Variants in LINGO1 observed in about 807,000 individuals in gnomAD.
The protein encoded by LINGO1 is leucine-rich repeat and immunoglobulin-like domain-containing nogo receptor-interacting protein 1.
A neutral mutation model predicts 37.3 loss-of-function variants in LINGO1; 11 were observed. The observed-to-expected ratio is 0.29, with a 90% CI of 0.19 to 0.49. LINGO1 has a LOEUF of 0.49. LINGO1 is among the 20% of genes least tolerant of loss of function. The pLI, the probability that LINGO1 is intolerant of heterozygous loss-of-function variation, is 0.99. For synonymous variants in LINGO1, 387 were observed against 403.0 expected (o/e 0.96, Z 0.48); for missense variants, 585 against 878.2 (o/e 0.67, Z 4.22).
chr15:77,652,232 G>A (rs981933996), intron 3 of LINGO1: 2 of 152,176 alleles, frequency 1.3e-5, no homozygotes, highest in African/African-American at 2.4e-5. Flanking sequence ...CCTAGGGATC[G>A]AATAAGATGA....
At chr15:77,660,528 G>A (rs2074967715) in intron 3 of LINGO1, among the ~76,000 whole-genome samples, 2 of 152,212 alleles carry the variant, frequency 1.3e-5, no homozygotes, top group East Asian at 3.9e-4. Context: ...CAACAGCTGG[G>A]CTCTATTCTC....
chr15:77,779,845 A>T (rs1192727710), intron 1 of LINGO1, among the ~76,000 whole-genome samples: 1 of 152,172 alleles, frequency 6.6e-6, no homozygotes, highest in African/African-American at 2.4e-5. Context: ...TGCCTGGACT[A>T]GGAGGTGCTC....
At chr15:77,800,301 G>A (rs970122525) in intron 1 of LINGO1, among the ~76,000 whole-genome samples, 4 of 152,216 alleles carry the variant, frequency 2.6e-5, no homozygotes, top group African/African-American at 4.8e-5. Context: ...GCCACCTCAC[G>A]TCCCTAGTTA....
chr15:77,637,046 T>C (rs1002549564), upstream of LINGO1, among the ~76,000 whole-genome samples: 3 of 152,046 alleles, frequency 2.0e-5, no homozygotes, highest in Non-Finnish European at 2.9e-5. The surrounding 1 kb of genome is among the most constrained non-coding windows in gnomAD (Gnocchi z 4.6). Flanking sequence ...CAGAGCAGAC[T>C]TGGGGACACC....
At chr15:77,769,859 G>A (rs752585949) in intron 1 of LINGO1, among the ~76,000 whole-genome samples, 1 of 152,126 alleles carries the variant, frequency 6.6e-6, no homozygotes, top group Non-Finnish European at 1.5e-5. Flanking sequence ...TGTCCTACAC[G>A]TGCAGCAGAC....
At position 77,613,946 on chromosome 15, in the gene LINGO1, G is replaced by A; in HGVS notation, c.*98C>T. On this transcript the variant is annotated 3_prime_UTR_variant, in exon 2 of 2. Coordinates refer to ENST00000355300, the MANE Select transcript of LINGO1 (RefSeq NM_032808.7). ...GGGAGAAAGAGAACGTGTGTAGAAG[G>A]GTAGGGAGGAGGTGGGAAGGACTGG... The A allele has an allele frequency of 1.0e-6, 1 of 986,232 alleles. No homozygotes were observed. The highest frequency in any genetic ancestry group is 1.5e-6 in the Non-Finnish European group (1 of 675,764). 61.1% of individuals were successfully genotyped at this position (986,232 alleles called of 1,614,324 possible).
At position 77,763,020 on chromosome 15, in the gene LINGO1, T is replaced by C. The variant is rs571090372; in HGVS notation, c.-257+23849A>G. On this transcript the variant is annotated intron_variant, in intron 1 of 3. Coordinates refer to the LINGO1 transcript ENST00000561686. ...ATGGAAGACCAAAAATGAGGAGCCA[T>C]CAGAGAACTGCCGAGAAAGGGAGGT... 1.1e-4 allele frequency among the ~76,000 whole-genome samples: 17 copies of C among 152,242 alleles called. No homozygotes were observed. In the South Asian group the frequency reaches 3.5e-3, roughly 32 times the overall value.
intron 1 of LINGO1, among the ~76,000 whole-genome samples, chr15:77,742,722 G>A (rs2076276624): frequency 6.6e-6 from 1 of 152,226 alleles, no homozygotes; most frequent in Admixed American, 6.5e-5. Context: ...AGGCAGTCAG[G>A]GGGACCGAAT....
intron 2 of LINGO1, among the ~76,000 whole-genome samples, chr15:77,677,806 C>T (rs1310618452): frequency 1.3e-5 from 2 of 152,108 alleles, no homozygotes; most frequent in East Asian, 1.9e-4. Flanking sequence ...GTGCTGTCTC[C>T]CTTCCTCCCT....
intron 1 of LINGO1, among the ~76,000 whole-genome samples, chr15:77,765,621 C>G (rs2076520405): frequency 6.6e-6 from 1 of 152,024 alleles, no homozygotes; most frequent in Non-Finnish European, 1.5e-5. Context: ...TGAGTTTTTT[C>G]CAGTGGGGAG....
chr15:77,707,573 A>G (rs1217772741), intron 2 of LINGO1: 2 of 152,274 alleles, frequency 1.3e-5, no homozygotes, highest in Admixed American at 6.5e-5. Flanking sequence ...CAGGTCAGGG[A>G]AAAACCCTGG....
intron 2 of LINGO1, among the ~76,000 whole-genome samples, chr15:77,711,597 T>TC (rs956648017): frequency 6.6e-6 from 1 of 152,210 alleles, no homozygotes; most frequent in Non-Finnish European, 1.5e-5. Context: ...AGCCTCAGGT[T>TC]CCCTATCTGT....
At chr15:77,649,047 A>T (rs1418693451) in intron 3 of LINGO1, 1 of 152,230 alleles carries the variant, frequency 6.6e-6, no homozygotes, top group African/African-American at 2.4e-5. Context: ...AACATAGGGA[A>T]GTGCCTTTCA....
At chr15:77,730,912 G>A (rs1276558354) in intron 2 of LINGO1, among the ~76,000 whole-genome samples, 1 of 152,198 alleles carries the variant, frequency 6.6e-6, no homozygotes, top group East Asian at 1.9e-4. Flanking sequence ...TCCTGGGACT[G>A]CCCACTGAGA....
intron 1 of LINGO1, among the ~76,000 whole-genome samples, chr15:77,799,102 CAAGCCCA>C (rs767027960): frequency 9.5e-4 from 144 of 152,296 alleles, no homozygotes; most frequent in African/African-American, 3.4e-3. Context: ...ACCAAAAAGC[CAAGCCCA>C]GAGCCCAGGT....
At chr15:77,737,804 C>T (rs1025775818) in intron 1 of LINGO1, among the ~76,000 whole-genome samples, 1 of 151,608 alleles carries the variant, frequency 6.6e-6, no homozygotes, top group Non-Finnish European at 1.5e-5. Flanking sequence ...TGTCCTCCTA[C>T]ACCTTCTCCC....
At chr15:77,757,927 G>A (rs111514264) in intron 1 of LINGO1, among the ~76,000 whole-genome samples, 19 of 152,240 alleles carry the variant, frequency 1.2e-4, no homozygotes, top group African/African-American at 3.4e-4. Context: ...TCCCTGCCTC[G>A]GCTGTGTCAG....
At chr15:77,735,610 G>A (rs1377727813) in intron 1 of LINGO1, among the ~76,000 whole-genome samples, 1 of 152,252 alleles carries the variant, frequency 6.6e-6, no homozygotes, top group Non-Finnish European at 1.5e-5. Flanking sequence ...ACAGGCAGGT[G>A]CAGCAGAGTT....
At position 77,710,679 on chromosome 15, in the gene LINGO1, TGAA is replaced by T. The variant is rs148874811; in HGVS notation, c.-194-19781_-194-19779del. Among the ~76,000 whole-genome samples the T allele has an allele frequency of 8.9e-3, 1,352 of 152,336 alleles. 25 individuals carry two copies. The highest frequency in any genetic ancestry group is 0.031 in the African/African-American group (1,273 of 41,576). ...GCCGCGGTGCTGGCTTTTGTTTCGC[TGAA>T]GAAGACTTCACAGAGCTGGAACACC... On this transcript the variant is annotated intron_variant, in intron 2 of 3. Transcript: ENST00000561686.
Sources: gnomAD v4.1 joint callset for allele counts (sites outside exome capture counted in the v4.1 genomes callset) on GRCh38, gnomAD v4.1.1 for gene constraint, Gnocchi (gnomAD v3.1) non-coding constraint, MANE v1.5 for transcripts, NCBI Gene and HGNC (gene_info 2026-07-23, HGNC 2026-07-21) for gene names.